SLC22A16: variants seen among roughly 807,000 people sequenced by gnomAD.
The protein encoded by SLC22A16 is solute carrier family 22 member 16.
A neutral mutation model predicts 52.9 loss-of-function variants in SLC22A16; 53 were observed. The observed-to-expected ratio is 1.00, with a 90% confidence interval of 0.80 to 1.26. The LOEUF is 1.26. Ranked by LOEUF, SLC22A16 falls within the 50% of genes most tolerant of loss-of-function variation. The pLI, the probability that SLC22A16 is intolerant of heterozygous loss-of-function variation, is 0.00. For synonymous variants in SLC22A16, 291 were observed against 268.8 expected, an observed-to-expected ratio of 1.08 and a Z score of -0.81; for missense variants, 726 against 704.0, an observed-to-expected ratio of 1.03 and a Z score of -0.35.
chr6:110,456,832 G>A lies in SLC22A16; in HGVS notation c.239C>T (p.Ser80Leu). Reference protein sequence around the residue: ...SLEDTGALLSSGQKDYVTVQL... With the variant: ...SLEDTGALLSLGQKDYVTVQL... Reference sequence around the variant, plus strand: ...CACCGTAACATAATCTTTCTGGCCTGAAGACAACAGGGCCCCGGTGTCCTC... The same window carrying A: ...CACCGTAACATAATCTTTCTGGCCTAAAGACAACAGGGCCCCGGTGTCCTC... The change falls in exon 2 of 8, where the codon TCA (serine) becomes TTA (leucine). Residue 80 changes from serine (S) to leucine (L), a missense_variant. By Grantham distance (145) the Ser-to-Leu change is moderately radical (BLOSUM62 -2). Coordinates refer to ENST00000368919, the MANE Select transcript of SLC22A16 (RefSeq NM_033125.4). 6.2e-7 allele frequency: 1 copy of A among 1,614,132 alleles called. No individual in the cohort carries two copies. Among genetic ancestry groups the A allele is most frequent in the Non-Finnish European group, 8.5e-7 (1 of 1,180,006 alleles).
chr6:110,450,760 A>G (rs1468456416), intron 2 of SLC22A16, among the ~76,000 whole-genome samples: 3 of 152,110 alleles, frequency 2.0e-5, no homozygotes, highest in Non-Finnish European at 4.4e-5. Flanking sequence ...TACATATATA[A>G]CCATGCATAA....
intron 3 of SLC22A16, among the ~76,000 whole-genome samples, chr6:110,443,718 T>A (rs974732016): frequency 1.3e-5 from 2 of 152,196 alleles, no homozygotes; most frequent in Non-Finnish European, 2.9e-5. Flanking sequence ...CTGGAAGAGA[T>A]GTTTGCACAT....
chr6:110,463,592 C>G (rs1775967457), intron 1 of SLC22A16, among the ~76,000 whole-genome samples: 1 of 139,562 alleles, frequency 7.2e-6, no homozygotes, highest in South Asian at 2.5e-4. Flanking sequence ...AAAGATTTAA[C>G]TATCCTAAAT....
intron 1 of SLC22A16, 79 bp from the exon 2 acceptor site, chr6:110,457,096 TC>T: frequency 7.4e-7 from 1 of 1,354,432 alleles, no homozygotes; most frequent in South Asian, 1.6e-5. Context: ...AGGGTCTCCA[TC>T]ATGTTTATCT....
intron 7 of SLC22A16, among the ~76,000 whole-genome samples, chr6:110,426,872 C>T (rs3818106): frequency 0.33 from 50,663 of 151,328 alleles, 8,730 homozygotes; most frequent in East Asian, 0.41. Context: ...ACTGCTTGAA[C>T]CCAGTAGGCA....
intron 1 of SLC22A16, among the ~76,000 whole-genome samples, chr6:110,470,688 GCA>G (rs766979857): frequency 1.1e-4 from 17 of 151,486 alleles, no homozygotes; most frequent in Middle Eastern, 3.2e-3. Flanking sequence ...TTTCTCTTGT[GCA>G]CACACACACA....
rs768888517 is a variant in SLC22A16, at chr6:110,442,711, C to CGA, written c.714_715dup (p.Arg239LeufsTer22). On this transcript the variant is annotated frameshift_variant, in exon 4 of 8. Coordinates refer to ENST00000368919, the MANE Select transcript of SLC22A16 (RefSeq NM_033125.4). LOFTEE classifies it high-confidence loss of function. ...ATGCAAATGGACAGACGCCCATGTC[C>CGA]GAGACTTCATGCCAATGAATTCCAT... The CGA allele has an allele frequency of 3.1e-6, 5 of 1,614,116 alleles. No homozygotes were observed. The highest frequency in any genetic ancestry group is 4.2e-6 in the Non-Finnish European group (5 of 1,180,026).
intron 1 of SLC22A16, among the ~76,000 whole-genome samples, chr6:110,473,678 C>T (rs1260985191): frequency 1.3e-5 from 2 of 151,354 alleles, no homozygotes; most frequent in East Asian, 3.9e-4. Context: ...GCCCCCGCCA[C>T]CATGCCAGGC....
At chr6:110,471,700 C>T (rs114219946) in intron 1 of SLC22A16, among the ~76,000 whole-genome samples, 3,040 of 152,136 alleles carry the variant, frequency 0.02, 97 homozygotes, top group African/African-American at 0.067. Flanking sequence ...GGGACAGGGA[C>T]GGAGTAGGGC....
chr6:110,443,514 T>A (rs1775055182), intron 3 of SLC22A16, among the ~76,000 whole-genome samples: 2 of 151,820 alleles, frequency 1.3e-5, no homozygotes, highest in Admixed American at 1.3e-4. Flanking sequence ...CACATTAGTG[T>A]GGCTAATTAA....
chr6:110,452,263 T>C (rs1210666634), intron 2 of SLC22A16, among the ~76,000 whole-genome samples: 1 of 152,226 alleles, frequency 6.6e-6, no homozygotes, highest in Non-Finnish European at 1.5e-5. Flanking sequence ...AAAATTTATA[T>C]ATTTGTTACT....
chr6:110,424,900 G>A lies in SLC22A16; in HGVS notation c.1707C>T (p.Thr569=). The A allele has an allele frequency of 1.9e-6, 3 of 1,614,134 alleles. No individual in the cohort carries two copies. The highest frequency in any genetic ancestry group is 1.7e-5 in the Admixed American group (1 of 60,020). ...ATTCACCAAGACCAGAATCCCTGGG[G>A]GTAATCGCTTCCGTTTTTTCCAGCC... ...NSGLEKTEAI[T]PRDSGLGE is the part of the protein sequence containing the mutation. Residue 569 remains threonine, a synonymous_variant, in exon 8 of 8, where the codon ACC becomes ACT. Transcript: ENST00000368919.
At position 110,446,941 on chromosome 6, in the gene SLC22A16, A is replaced by G; in HGVS notation, c.583T>C (p.Phe195Leu). The G allele has an allele frequency of 6.2e-7, 1 of 1,613,976 alleles. No homozygotes were observed. The highest frequency in any genetic ancestry group is 8.5e-7 in the Non-Finnish European group (1 of 1,179,886). Residue 195 changes from phenylalanine to leucine, a missense_variant, in exon 3 of 8, where the codon TTT (phenylalanine) becomes CTT (leucine). Physicochemically the swap from Phe to Leu is conservative, Grantham distance 22. Transcript: ENST00000368919. ...ACTGCAAACGCCGCTGCTATTCCAA[A>G]CAAAAACATGCTACTGCTTGTGGCC... ...LWATSSSMFL[F>L]GIAAAFAVDY...
intron 6 of SLC22A16, among the ~76,000 whole-genome samples, chr6:110,433,419 C>T (rs985869677): frequency 6.6e-6 from 1 of 152,138 alleles, no homozygotes; most frequent in African/African-American, 2.4e-5. Context: ...GGTGTGTGGG[C>T]ATGGAAAATT....
At chr6:110,427,247 C>CA (rs71018390) in intron 7 of SLC22A16, among the ~76,000 whole-genome samples, 751 of 60,456 alleles carry the variant, frequency 0.012, 12 homozygotes, top group Admixed American at 0.066. Context: ...GACCCAATCT[C>CA]AAAAAAAAAA....
At chr6:110,427,483 C>T (rs1345950534) in intron 7 of SLC22A16, among the ~76,000 whole-genome samples, 3 of 152,142 alleles carry the variant, frequency 2.0e-5, no homozygotes, top group Non-Finnish European at 4.4e-5. Context: ...ACGCAAAAGG[C>T]ACTTAGAACA....
chr6:110,455,746 T>A (rs2114987463), intron 2 of SLC22A16: 1 of 152,328 alleles, frequency 6.6e-6, no homozygotes, highest in East Asian at 1.9e-4. Context: ...TTAAGAGGGA[T>A]GGCCTTGGGA....
At chr6:110,470,117 T>C (rs1318474208) in intron 1 of SLC22A16, among the ~76,000 whole-genome samples, 3 of 152,290 alleles carry the variant, frequency 2.0e-5, no homozygotes, top group Non-Finnish European at 2.9e-5. Flanking sequence ...ACAGTGTGGC[T>C]TGTGGTGGGC....
chr6:110,441,642 T>A (rs1214089559), intron 4 of SLC22A16, among the ~76,000 whole-genome samples: 1 of 152,132 alleles, frequency 6.6e-6, no homozygotes, highest in Non-Finnish European at 1.5e-5. Flanking sequence ...TTTGAGAGAG[T>A]TAACCAAAGC....
Sources: allele counts gnomAD v4.1 joint callset (sites outside exome capture counted in the v4.1 genomes callset), GRCh38; gene constraint gnomAD v4.1.1; transcripts MANE v1.5; gene names NCBI Gene and HGNC (gene_info 2026-07-23, HGNC 2026-07-21).